SLC16A14: variants seen among roughly 807,000 people sequenced by gnomAD.
The protein encoded by SLC16A14 is monocarboxylate transporter 14.
SLC16A14 carries 14 observed loss-of-function variants against 35.8 expected under a neutral mutation model. The ratio of observed to expected loss-of-function variants is 0.39; its 90% CI spans 0.26 to 0.61. The LOEUF is 0.61. Ranked by LOEUF, SLC16A14 falls within the 20% of genes least tolerant of loss-of-function variation. The pLI, the probability that SLC16A14 is intolerant of heterozygous loss-of-function variation, is 0.51. For synonymous variants in SLC16A14, 248 were observed against 258.9 expected, an observed-to-expected ratio of 0.96 and a Z score of 0.40; for missense variants, 533 against 655.0, an observed-to-expected ratio of 0.81 and a Z score of 2.03.
intron 3 of SLC16A14, among the ~76,000 whole-genome samples, chr2:230,048,917 C>A (rs1383543143): frequency 5.3e-4 from 31 of 58,398 alleles, no homozygotes; most frequent in African/African-American, 2.5e-3. Context: ...GAGTGAAACT[C>A]CATCTCAAAA....
At chr2:230,055,555 A>G (rs1274136794) in intron 2 of SLC16A14, among the ~76,000 whole-genome samples, 1 of 152,198 alleles carries the variant, frequency 6.6e-6, no homozygotes, top group Non-Finnish European at 1.5e-5. Flanking sequence ...CTCAAACAAA[A>G]TTCTGAACAC....
At chr2:230,039,164 C>T (rs2106239907) in intron 4 of SLC16A14, among the ~76,000 whole-genome samples, 1 of 151,230 alleles carries the variant, frequency 6.6e-6, no homozygotes, top group Non-Finnish European at 1.5e-5. Flanking sequence ...TATCTATTTA[C>T]AGGGATCAGT....
intron 1 of SLC16A14, among the ~76,000 whole-genome samples, chr2:230,062,977 T>C (rs975211973): frequency 6.6e-6 from 1 of 152,130 alleles, no homozygotes; most frequent in African/African-American, 2.4e-5. Flanking sequence ...CTGGGAGTGA[T>C]AAAATGTTTA....
intron 3 of SLC16A14, among the ~76,000 whole-genome samples, chr2:230,048,910 T>G (rs1182282255): frequency 3.0e-5 from 2 of 66,300 alleles, no homozygotes; most frequent in African/African-American, 6.9e-5. Flanking sequence ...GCAACAAGAG[T>G]GAAACTCCAT....
intron 1 of SLC16A14, chr2:230,066,733 C>T: frequency 2.6e-6 from 1 of 391,038 alleles, no homozygotes. Flanking sequence ...CTCCCGAGTT[C>T]AAGCGATTCT....
At chr2:230,059,453 G>C (rs1368403737) in intron 1 of SLC16A14, 87 bp from the exon 2 acceptor site, 2 of 1,001,820 alleles carry the variant, frequency 2.0e-6, no homozygotes, top group South Asian at 3.6e-5. Context: ...TCCCCATCAG[G>C]GTCAAAGTGG....
Position 230,046,275 on chromosome 2 carries a change from T to G in SLC16A14, c.851A>C (p.Lys284Thr). The G allele has an allele frequency of 1.2e-6, 2 of 1,614,190 alleles. No individual in the cohort carries two copies. Among genetic ancestry groups the G allele is most frequent in the Non-Finnish European group, 1.7e-6 (2 of 1,180,026 alleles). ...RKNMCALRILKTVSWLTMRVR... is the reference protein window; with the variant it reads ...RKNMCALRILTTVSWLTMRVR... ...TCTCATGGTGAGCCAGCTGACAGTC[T>G]TCAGAATCCGGAGGGCACACATGTT... The change falls in exon 4 of 5, where the codon AAG becomes ACG. Residue 284 changes from lysine (K) to threonine (T), a missense_variant. Transcript: ENST00000295190. This position sits in a 1 kb window ranked among gnomAD's most constrained non-coding sequence, Gnocchi z 5.0.
At position 230,060,305 on chromosome 2, in the gene SLC16A14, A is replaced by C. The variant is rs184298435; in HGVS notation, c.-14-939T>G. ...TCTCTCAAGATGTTTGAATGAGAGGAGGGAGGCTAGATGGAGCTAGAGGAT... is the reference window on the plus strand; with the variant it reads ...TCTCTCAAGATGTTTGAATGAGAGGCGGGAGGCTAGATGGAGCTAGAGGAT... On this transcript the variant is annotated intron_variant, in intron 1 of 4. Coordinates refer to ENST00000295190, the MANE Select transcript of SLC16A14 (RefSeq NM_152527.5). Among the ~76,000 whole-genome samples the C allele has an allele frequency of 5.9e-5, 9 of 152,242 alleles. No individual in the cohort carries two copies. The East Asian group carries it at 1.7e-3, about 29-fold the overall frequency.
rs781259109 is a variant in SLC16A14 at position 230,037,329 on chromosome 2, C to T, written c.*51G>A. 1.1e-5 allele frequency: 17 copies of T among 1,486,424 alleles called. No individual in the cohort carries two copies. Among genetic ancestry groups the T allele is most frequent in the East Asian group, 4.9e-5 (2 of 41,078 alleles). The allele number at this position is 1,486,424 out of a possible 1,614,324, so 92.1% of individuals were successfully genotyped here. A position where few individuals can be genotyped will look rare whatever the true frequency, so the allele number is the denominator to read the frequency against. ...TCATAGGTGCCTCACAGCAACCATG[C>T]GAGGTAGGCATGAGTATTACAATGA... On this transcript the variant is annotated 3_prime_UTR_variant, in exon 5 of 5. Transcript: ENST00000295190.
intron 3 of SLC16A14, among the ~76,000 whole-genome samples, chr2:230,048,943 A>AAAT (rs562094733): frequency 9.3e-5 from 10 of 107,276 alleles, no homozygotes; most frequent in South Asian, 5.6e-4. Context: ...AAAAAAAAAA[A>AAAT]AACAAATGAT....
Position 230,046,520 on chromosome 2 carries a change from C to T in SLC16A14, c.606G>A (p.Leu202=). The T allele has an allele frequency of 6.2e-7, 1 of 1,614,242 alleles. No homozygotes were observed. The highest frequency in any genetic ancestry group is 8.5e-7 in the Non-Finnish European group (1 of 1,180,048). The change falls in exon 4 of 5, where the codon CTG becomes CTA. Residue 202 remains leucine (L), a synonymous_variant. Coordinates refer to ENST00000295190, the MANE Select transcript of SLC16A14 (RefSeq NM_152527.5). This position sits in a 1 kb window ranked among gnomAD's most constrained non-coding sequence, Gnocchi z 5.0. The stretch of plus-strand genomic sequence containing the variant: ...GCCTCATGAGCGCCCCACAAACACA[C>T]AGGTTTAGGGAAACGGCACCTTGGA... ...MLIQGAVSLN[L]CVCGALMRPL...
At chr2:230,065,375 G>A (rs758126232) in intron 1 of SLC16A14, among the ~76,000 whole-genome samples, 1 of 152,060 alleles carries the variant, frequency 6.6e-6, no homozygotes, top group Admixed American at 6.5e-5. Context: ...TCCTGTCTCA[G>A]CCTCCTGAGT....
chr2:230,047,307 CTT>C (rs56262602), intron 3 of SLC16A14, among the ~76,000 whole-genome samples: 30,282 of 110,162 alleles, frequency 0.27, 2,781 homozygotes, highest in Middle Eastern at 0.3. Flanking sequence ...TATCTGACTT[CTT>C]TTTTTTTTTT....
rs1267152635 is a variant in SLC16A14, at chr2:230,036,832, T to C, written c.*548A>G. 2.6e-5 allele frequency: 4 copies of C among 152,244 alleles called. No individual in the cohort carries two copies. Among genetic ancestry groups the C allele is most frequent in the Non-Finnish European group, 4.4e-5 (3 of 68,040 alleles). 9.4% of individuals were successfully genotyped at this position (152,244 alleles called of 1,614,324 possible). A position where few individuals can be genotyped will look rare whatever the true frequency, so the allele number is the denominator to read the frequency against. ...CTCATAAAAATACAAGCCGTGTTTC[T>C]TTAATTGCACTAAATTGTATTACCT... On this transcript the variant is annotated 3_prime_UTR_variant, in exon 5 of 5. Transcript: ENST00000295190.
intron 4 of SLC16A14, among the ~76,000 whole-genome samples, chr2:230,041,238 G>A (rs1323861198): frequency 6.6e-6 from 1 of 152,196 alleles, no homozygotes; most frequent in Non-Finnish European, 1.5e-5. Flanking sequence ...GAAGAGATGT[G>A]TGTGGAATAT....
intron 2 of SLC16A14, among the ~76,000 whole-genome samples, chr2:230,051,456 T>C (rs181888200): frequency 1.3e-5 from 2 of 152,188 alleles, no homozygotes; most frequent in Non-Finnish European, 2.9e-5. Flanking sequence ...CCATGGCACC[T>C]GGCTGACTTT....
chr2:230,064,633 A>G (rs1310237601), intron 1 of SLC16A14, among the ~76,000 whole-genome samples: 1 of 152,216 alleles, frequency 6.6e-6, no homozygotes, highest in Non-Finnish European at 1.5e-5. Flanking sequence ...GCTATGTTTA[A>G]TGTGATGAAA....
intron 2 of SLC16A14, among the ~76,000 whole-genome samples, chr2:230,051,287 A>G (rs2077657735): frequency 6.6e-6 from 1 of 152,026 alleles, no homozygotes; most frequent in Non-Finnish European, 1.5e-5. Context: ...TCAGCCTCCT[A>G]AGTAGCTGGG....
At chr2:230,054,168 T>C (rs1348631077) in intron 2 of SLC16A14, among the ~76,000 whole-genome samples, 3 of 151,968 alleles carry the variant, frequency 2.0e-5, no homozygotes, top group African/African-American at 7.3e-5. Flanking sequence ...ATTTAGCAAG[T>C]CATTTATCTT....
Sources: gnomAD v4.1 joint callset for allele counts (sites outside exome capture counted in the v4.1 genomes callset) on GRCh38, gnomAD v4.1.1 for gene constraint, Gnocchi (gnomAD v3.1) non-coding constraint, MANE v1.5 for transcripts, NCBI Gene and HGNC (gene_info 2026-07-23, HGNC 2026-07-21) for gene names.